Variants in C4orf36 observed in about 807,000 individuals in gnomAD.
C4orf36 encodes chromosome 4 open reading frame 36, also known as uncharacterized protein C4orf36.
Under a neutral mutation model 12.2 loss-of-function variants are expected in C4orf36, and 11 were observed. The observed-to-expected ratio is 0.90, with a 90% CI of 0.57 to 1.49. The LOEUF is 1.49. Ranked by LOEUF, C4orf36 falls within the 40% of genes most tolerant of loss-of-function variation. The pLI is 0.00. For missense variants in C4orf36, 137 were observed against 133.9 expected (o/e 1.02, Z -0.11); for synonymous variants, 54 against 51.3 (o/e 1.05, Z -0.22).
At chr4:86,896,367 C>G (rs1308107456), upstream of C4orf36, among the ~76,000 whole-genome samples, 2 of 152,112 alleles carry the variant, frequency 1.3e-5, no homozygotes, top group Non-Finnish European at 2.9e-5. Context: ...ATTCTCATTT[C>G]AAAAAGTGAC....
the C4orf36 span, chr4:86,913,425 C>T: frequency 1.3e-6 from 1 of 742,292 alleles, no homozygotes; most frequent in Admixed American, 1.8e-5. Flanking sequence ...TGTTGCGGTC[C>T]TCAGTCGTGG....
chr4:86,887,693 A>T, intron 4 of C4orf36, 65 bp downstream of exon 4: 1 of 1,591,384 alleles, frequency 6.3e-7, no homozygotes, highest in East Asian at 2.2e-5. Context: ...ACATAGTGAA[A>T]GGTCCAGAGA....
chr4:86,929,167 T>A, the C4orf36 span, among the ~76,000 whole-genome samples: 1 of 152,180 alleles, frequency 6.6e-6, no homozygotes, highest in East Asian at 1.9e-4. Flanking sequence ...ACTCATTCAT[T>A]ACCTGACAAT....
At chr4:86,935,804 TTAA>T in the C4orf36 span, 1 of 86,744 alleles carries the variant, frequency 1.2e-5, no homozygotes, top group East Asian at 3.0e-4. Context: ...CTTCTGAGAC[TTAA>T]CTTCAGGGAC....
the C4orf36 span, among the ~76,000 whole-genome samples, chr4:86,920,399 C>CT: frequency 1.3e-5 from 2 of 152,180 alleles, no homozygotes; most frequent in Non-Finnish European, 2.9e-5. Flanking sequence ...TTTTTAGCCT[C>CT]TACCCATTAC....
chr4:86,890,012 G>A, intron 2 of C4orf36: 2 of 452,226 alleles, frequency 4.4e-6, no homozygotes, highest in South Asian at 3.1e-5. Flanking sequence ...GCAACAAAGT[G>A]AGACCCCATC....
At chr4:86,917,484 A>T in the C4orf36 span, among the ~76,000 whole-genome samples, 8 of 141,578 alleles carry the variant, frequency 5.7e-5, no homozygotes, top group East Asian at 8.6e-4. Flanking sequence ...AATAAAGAAA[A>T]AGAAAGGGAG....
the C4orf36 span, among the ~76,000 whole-genome samples, chr4:86,930,553 G>C: frequency 6.6e-6 from 1 of 152,206 alleles, no homozygotes; most frequent in Non-Finnish European, 1.5e-5. Flanking sequence ...GGAAATTGTG[G>C]AAACTCAGTT....
At chr4:86,928,665 G>A in the C4orf36 span, among the ~76,000 whole-genome samples, 254 of 152,304 alleles carry the variant, frequency 1.7e-3, 2 homozygotes, top group Admixed American at 2.9e-3. Context: ...TATACAATCA[G>A]TAAATGGTAA....
At chr4:86,928,312 G>C in the C4orf36 span, among the ~76,000 whole-genome samples, 2 of 152,222 alleles carry the variant, frequency 1.3e-5, no homozygotes, top group Non-Finnish European at 2.9e-5. Context: ...ATTGGGATCT[G>C]TAGAAGCTGG....
upstream of C4orf36, among the ~76,000 whole-genome samples, chr4:86,893,457 G>A (rs1481910895): frequency 6.6e-6 from 1 of 152,018 alleles, no homozygotes; most frequent in African/African-American, 2.4e-5. Flanking sequence ...GAGGTGGCGC[G>A]CGCCTGTCGT....
At chr4:86,905,353 A>G in the C4orf36 span, among the ~76,000 whole-genome samples, 1 of 152,120 alleles carries the variant, frequency 6.6e-6, no homozygotes, top group South Asian at 2.1e-4. Flanking sequence ...ACTGCACTCC[A>G]GCCTGGGCAA....
chr4:86,917,423 GAA>G, the C4orf36 span, among the ~76,000 whole-genome samples: 13 of 139,696 alleles, frequency 9.3e-5, no homozygotes, highest in African/African-American at 2.9e-4. Context: ...AAGAGAGAGA[GAA>G]AGAAAAAGAA....
chr4:86,915,499 G>A, the C4orf36 span, among the ~76,000 whole-genome samples: 95,271 of 152,064 alleles, frequency 0.63, 31,434 homozygotes, highest in Middle Eastern at 0.78. Flanking sequence ...TTAAAGGAGG[G>A]AAGGCTGGGC....
chr4:86,893,796 T>C (rs1747518200), upstream of C4orf36, among the ~76,000 whole-genome samples: 1 of 152,140 alleles, frequency 6.6e-6, no homozygotes, highest in Non-Finnish European at 1.5e-5. Flanking sequence ...GGGTGTTTTC[T>C]TTCCACAAAG....
At chr4:86,908,055 C>T in the C4orf36 span, among the ~76,000 whole-genome samples, 12 of 152,040 alleles carry the variant, frequency 7.9e-5, no homozygotes, top group Non-Finnish European at 1.8e-4. Flanking sequence ...TTGCTCCCTA[C>T]TCATCCTTGC....
chr4:86,876,399 C>T lies in C4orf36; in HGVS notation c.*47G>A. 6.2e-7 allele frequency: 1 copy of T among 1,610,426 alleles called. No individual in the cohort carries two copies. Among genetic ancestry groups the T allele is most frequent in the South Asian group, 1.1e-5 (1 of 90,884 alleles). ...CTGGGCGGCCCAGGAGAAGCAGTTC[C>T]CGCCGGCGCTGCTGAGTTTCTTCAT... On this transcript the variant is annotated 3_prime_UTR_variant, in exon 5 of 5. Coordinates refer to ENST00000295898, the MANE Select transcript of C4orf36 (RefSeq NM_144645.4).
chr4:86,927,182 T>G, the C4orf36 span, among the ~76,000 whole-genome samples: 1 of 152,170 alleles, frequency 6.6e-6, no homozygotes, highest in Non-Finnish European at 1.5e-5. Flanking sequence ...GCTTGTTGAA[T>G]GAATGAATAC....
chr4:86,914,387 CTTCCTT>C, the C4orf36 span: 1 of 467,476 alleles, frequency 2.1e-6, no homozygotes, highest in Non-Finnish European at 3.8e-6. Context: ...CGTTCTTCTT[CTTCCTT>C]TTTTTTTTTT....
Sources: gnomAD v4.1 joint callset for allele counts (sites outside exome capture counted in the v4.1 genomes callset) on GRCh38, gnomAD v4.1.1 for gene constraint, MANE v1.5 for transcripts, NCBI Gene and HGNC (gene_info 2026-07-23, HGNC 2026-07-21) for gene names.